FMN1: variants seen among roughly 807,000 people sequenced by gnomAD.
The protein encoded by FMN1 is formin-1.
In FMN1, 110 loss-of-function variants were observed where a neutral mutation model predicts 132.4. That is an observed-to-expected ratio of 0.83 (90% CI 0.71 to 0.97). The LOEUF is 0.97. Among genes scored for constraint, FMN1 ranks in the 50% least tolerant of loss-of-function variants. The pLI, the probability that FMN1 is intolerant of heterozygous loss-of-function variation, is 0.00. For synonymous variants in FMN1, 722 were observed against 651.7 expected (o/e 1.11, Z -1.64); for missense variants, 1,792 against 1,705.3 (o/e 1.05, Z -0.90).
At chr15:33,042,613 G>C (rs1465744372) in intron 6 of FMN1, among the ~76,000 whole-genome samples, 1 of 152,214 alleles carries the variant, frequency 6.6e-6, no homozygotes, top group Non-Finnish European at 1.5e-5. Flanking sequence ...AAACAAGAGT[G>C]TTGGTACTAC....
intron 9 of FMN1, among the ~76,000 whole-genome samples, chr15:32,956,758 A>G (rs2061778049): frequency 6.6e-6 from 1 of 152,150 alleles, no homozygotes; most frequent in Non-Finnish European, 1.5e-5. Flanking sequence ...CATTCCTTAC[A>G]CCGAGGGAGC....
intron 9 of FMN1, among the ~76,000 whole-genome samples, chr15:32,936,352 G>C (rs1425027675): frequency 6.6e-6 from 1 of 152,170 alleles, no homozygotes; most frequent in Non-Finnish European, 1.5e-5. Flanking sequence ...TTCATACAGT[G>C]AAAGACCTTT....
Position 32,804,359 on chromosome 15 carries a change from A to T in FMN1, c.3929-27T>A, listed in dbSNP as rs16959042. 0.073 allele frequency: 107,724 copies of T among 1,479,218 alleles called. 8,665 individuals carry two copies. Among genetic ancestry groups the T allele is most frequent in the East Asian group, 0.49 (19,251 of 39,532 alleles). The allele number at this position is 1,479,218 out of a possible 1,614,324, so 91.6% of individuals were successfully genotyped here. On this transcript the variant is annotated intron_variant, in intron 17 of 20. Coordinates refer to ENST00000616417, the MANE Select transcript of FMN1 (RefSeq NM_001277313.2). ...TGTAAAAGATAAATCATGATTAAAA[A>T]TTTTTTCTTCTGTTGTCTCCTTTGC... is the stretch of plus-strand genomic sequence containing the variant.
chr15:33,173,519 C>T (rs1965404080), intron 3 of FMN1, among the ~76,000 whole-genome samples: 1 of 152,234 alleles, frequency 6.6e-6, no homozygotes, highest in South Asian at 2.1e-4. Flanking sequence ...TTGGAAAAGT[C>T]TGCTGTAACC....
intron 5 of FMN1, among the ~76,000 whole-genome samples, chr15:33,075,719 G>A (rs1271466340): frequency 6.6e-6 from 1 of 152,136 alleles, no homozygotes; most frequent in Non-Finnish European, 1.5e-5. Context: ...CTTTTCTCAT[G>A]AGAAAAAGCA....
At chr15:32,943,097 T>C (rs564970291) in intron 9 of FMN1, among the ~76,000 whole-genome samples, 6 of 152,316 alleles carry the variant, frequency 3.9e-5, no homozygotes, top group African/African-American at 1.4e-4. Context: ...ATTTCAGGTC[T>C]TGGATTTTCA....
intron 9 of FMN1, among the ~76,000 whole-genome samples, chr15:32,939,016 C>T (rs1045940538): frequency 4.6e-5 from 7 of 152,180 alleles, no homozygotes; most frequent in Admixed American, 1.3e-4. Flanking sequence ...GGGAATAGAA[C>T]GACCTGTTAC....
chr15:32,861,170 T>C (rs1238179844), intron 16 of FMN1, among the ~76,000 whole-genome samples: 1 of 152,218 alleles, frequency 6.6e-6, no homozygotes, highest in East Asian at 1.9e-4. Context: ...TTCATGAACG[T>C]AGTATAAAAC....
intron 16 of FMN1, among the ~76,000 whole-genome samples, chr15:32,868,990 A>G (rs1390520625): frequency 6.6e-6 from 1 of 152,168 alleles, no homozygotes; most frequent in Non-Finnish European, 1.5e-5. Context: ...CTGGGCCAGG[A>G]GTTAGTAGCC....
intron 5 of FMN1, among the ~76,000 whole-genome samples, chr15:33,085,840 C>T (rs753130086): frequency 3.3e-5 from 5 of 152,134 alleles, no homozygotes; most frequent in Non-Finnish European, 5.9e-5. Flanking sequence ...TATCCAATAA[C>T]AGAGAAATAA....
At chr15:32,997,399 G>A (rs1596432862) in intron 7 of FMN1, among the ~76,000 whole-genome samples, 1 of 150,856 alleles carries the variant, frequency 6.6e-6, no homozygotes, top group African/African-American at 2.4e-5. Context: ...CTTTGACACA[G>A]GACGAGAGAA....
intron 3 of FMN1, among the ~76,000 whole-genome samples, chr15:33,168,903 T>C (rs1965210706): frequency 6.6e-6 from 1 of 152,234 alleles, no homozygotes; most frequent in African/African-American, 2.4e-5. Flanking sequence ...CCAAAGGGCT[T>C]AGCATAAAAA....
intron 6 of FMN1, among the ~76,000 whole-genome samples, chr15:33,055,453 A>G (rs2037173712): frequency 6.9e-6 from 1 of 144,140 alleles, no homozygotes; most frequent in African/African-American, 2.4e-5. Flanking sequence ...TTGTGTTTAC[A>G]CAGTCATTAA....
intron 19 of FMN1, among the ~76,000 whole-genome samples, chr15:32,785,786 A>C (rs1180711146): frequency 6.6e-6 from 1 of 152,072 alleles, no homozygotes; most frequent in Non-Finnish European, 1.5e-5. Flanking sequence ...TCACCGCTCG[A>C]CTCAGATCAT....
intron 9 of FMN1, among the ~76,000 whole-genome samples, chr15:32,947,458 T>A (rs1421752498): frequency 6.6e-6 from 1 of 152,098 alleles, no homozygotes; most frequent in African/African-American, 2.4e-5. Context: ...TTATATGAGG[T>A]AGAATATCTC....
intron 4 of FMN1, among the ~76,000 whole-genome samples, chr15:33,112,873 G>A (rs2039765682): frequency 6.6e-6 from 1 of 152,148 alleles, no homozygotes; most frequent in South Asian, 2.1e-4. Flanking sequence ...CAGCTACTGG[G>A]TTTATATCGT....
At chr15:33,164,504 G>T (rs181249941) in intron 3 of FMN1, among the ~76,000 whole-genome samples, 297 of 152,168 alleles carry the variant, frequency 2.0e-3, no homozygotes, top group Non-Finnish European at 3.2e-3. Flanking sequence ...TTCATTTTTT[G>T]ACCTACAAAC....
intron 9 of FMN1, among the ~76,000 whole-genome samples, chr15:32,929,154 A>T (rs1033406107): frequency 6.6e-6 from 1 of 152,242 alleles, no homozygotes; most frequent in Non-Finnish European, 1.5e-5. Context: ...TTTCCTACAA[A>T]GGGGCTGGGG....
chr15:32,809,688 C>G (rs2057805921), intron 17 of FMN1, among the ~76,000 whole-genome samples: 1 of 152,118 alleles, frequency 6.6e-6, no homozygotes, highest in African/African-American at 2.4e-5. Flanking sequence ...AAAATCTCCT[C>G]TGAGGGGCCC....
Sources: allele counts gnomAD v4.1 joint callset (sites outside exome capture counted in the v4.1 genomes callset), GRCh38; gene constraint gnomAD v4.1.1; transcripts MANE v1.5; gene names NCBI Gene and HGNC (gene_info 2026-07-23, HGNC 2026-07-21).